Variants in SIN3B observed in about 807,000 individuals in gnomAD.
SIN3B encodes the protein SIN3 transcription regulator family member B, also known as paired amphipathic helix protein Sin3b.
In SIN3B, 19 loss-of-function variants were observed where a neutral mutation model predicts 120.2. The observed-to-expected ratio is 0.16, with a 90% CI of 0.11 to 0.23. The LOEUF (loss-of-function observed/expected upper bound fraction) is 0.23. SIN3B is among the 10% of genes least tolerant of loss of function. The pLI is 1.00. For synonymous variants in SIN3B, 654 were observed against 653.2 expected (o/e 1.00, Z -0.02); for missense variants, 1,073 against 1,573.0 (o/e 0.68, Z 5.38).
At position 16,869,762 on chromosome 19, in the gene SIN3B, A is replaced by G; in HGVS notation, c.2109A>G (p.Pro703=). The change falls in exon 13 of 19, where the codon CCA becomes CCG. Residue 703 remains proline, a synonymous_variant. Coordinates refer to ENST00000248054, the MANE Select transcript of SIN3B (RefSeq NM_001297595.2). ...CCAGTGAGCGGAAGAAGCCGGCGCCAGGACCCCACAGTAGCCCCCCAGAGG... is the reference window on the plus strand; with the variant it reads ...CCAGTGAGCGGAAGAAGCCGGCGCCGGGACCCCACAGTAGCCCCCCAGAGG... The part of the protein sequence containing the change: ...TDPSERKKPA[P]GPHSSPPEEK... 1 of 1,613,420 alleles carries G rather than the reference A, an allele frequency of 6.2e-7. No homozygotes were observed. Among genetic ancestry groups the G allele is most frequent in the Non-Finnish European group, 8.5e-7 (1 of 1,179,900 alleles).
intron 4 of SIN3B, among the ~76,000 whole-genome samples, chr19:16,845,202 T>C (rs1362810786): frequency 6.6e-6 from 1 of 152,236 alleles, no homozygotes; most frequent in African/African-American, 2.4e-5. Flanking sequence ...GGGCGTACTA[T>C]GCATTCATAG....
chr19:16,857,553 G>GTGTGTGTGTGTGTGTA (rs66778532), intron 8 of SIN3B, among the ~76,000 whole-genome samples: 12,526 of 139,188 alleles, frequency 0.09, 758 homozygotes, highest in East Asian at 0.13. Flanking sequence ...GTGTGTGTGT[G>GTGTGTGTGTGTGTGTA]TATATATACA....
intron 3 of SIN3B, among the ~76,000 whole-genome samples, chr19:16,833,060 G>C (rs1429973645): frequency 6.6e-6 from 1 of 152,148 alleles, no homozygotes; most frequent in Non-Finnish European, 1.5e-5. Context: ...TCCAGACATT[G>C]CCAGGTGTCT....
At chr19:16,847,411 C>T (rs1405157474) in intron 5 of SIN3B, among the ~76,000 whole-genome samples, 1 of 152,230 alleles carries the variant, frequency 6.6e-6, no homozygotes, top group Non-Finnish European at 1.5e-5. Context: ...GTTCCACCTC[C>T]TGTGTCTGCC....
chr19:16,859,829 A>G (rs1245090016), intron 8 of SIN3B, among the ~76,000 whole-genome samples: 1 of 152,128 alleles, frequency 6.6e-6, no homozygotes, highest in African/African-American at 2.4e-5. Context: ...AGGGGCCCCC[A>G]GGGGCTGTGT....
chr19:16,843,186 C>T (rs1330761212), intron 4 of SIN3B, among the ~76,000 whole-genome samples: 1 of 152,128 alleles, frequency 6.6e-6, no homozygotes. Context: ...CAACCTCAGC[C>T]TCCCGGCTTC....
rs538180454 is a variant in SIN3B at position 16,862,794 on chromosome 19, G to T, written c.1266+235G>T. ...GAGTGCCAGGGATAACGTGGAGTTC[G>T]GCTTATTCATCTGTTATTTGACTTA... On this transcript the variant is annotated intron_variant, in intron 9 of 18. Transcript: ENST00000248054. The surrounding 1 kb of genome is among the most constrained non-coding windows in gnomAD (Gnocchi z 4.7). 2.7e-6 allele frequency: 3 copies of T among 1,122,182 alleles called. No individual in the cohort carries two copies. Among genetic ancestry groups the T allele is most frequent in the Admixed American group, 3.4e-5 (2 of 57,990 alleles). 69.5% of individuals were successfully genotyped at this position (1,122,182 alleles called of 1,614,324 possible).
chr19:16,863,668 C>G lies in SIN3B; in HGVS notation c.1267-12C>G, dbSNP rs780267365. On this transcript the variant is annotated splice_polypyrimidine_tract_variant and intron_variant, in intron 9 of 18. Transcript: ENST00000248054. ...CATGCAGCGTCATTCACGGCATTTC[C>G]TCTTGGTGCAGGTACTGAACGACAC... 3 of 1,574,222 alleles carry G rather than the reference C, an allele frequency of 1.9e-6. No homozygotes were observed. The Admixed American group carries it at 5.0e-5, about 26-fold the overall frequency.
At chr19:16,857,517 A>ATGTGTGTGTGTGTG (rs72233219) in intron 8 of SIN3B, among the ~76,000 whole-genome samples, 1,102 of 93,430 alleles carry the variant, frequency 0.012, 6 homozygotes, top group Middle Eastern at 0.024. Context: ...TAAAAAAAAT[A>ATGTGTGTGTGTGTG]TGTGTGTGTG....
intron 3 of SIN3B, among the ~76,000 whole-genome samples, chr19:16,834,058 G>T (rs1020932387): frequency 6.6e-6 from 1 of 152,084 alleles, no homozygotes; most frequent in Non-Finnish European, 1.5e-5. Context: ...TTGGAAGCGT[G>T]TGGCCACTGA....
intron 12 of SIN3B, among the ~76,000 whole-genome samples, chr19:16,868,515 G>A (rs1379589311): frequency 6.6e-6 from 1 of 152,214 alleles, no homozygotes; most frequent in East Asian, 1.9e-4. Flanking sequence ...TTGTCTAATG[G>A]TGTGAGGGAA....
Position 16,869,681 on chromosome 19 carries a change from C to G in SIN3B, c.2028C>G (p.Ala676=), listed in dbSNP as rs1003928948. The change falls in exon 13 of 19, where the codon GCC becomes GCG. Residue 676 remains alanine (A), a synonymous_variant. Transcript: ENST00000248054. ...TCTCTCAGCAGCTGGACCTGGGCGC[C>G]TCCGAGGAGTCAGCTGATGAGGACC... The part of the protein sequence containing the change: ...LFFSQQLDLG[A]SEESADEDRD... 1.2e-6 allele frequency: 2 copies of G among 1,613,484 alleles called. No homozygotes were observed. Among genetic ancestry groups the G allele is most frequent in the African/African-American group, 2.7e-5 (2 of 74,944 alleles).
chr19:16,870,222 A>G, intron 13 of SIN3B, 147 bp downstream of exon 13: 1 of 1,038,332 alleles, frequency 9.6e-7, no homozygotes. Context: ...TGCAAACAGG[A>G]AGTTGCCAGC....
intron 8 of SIN3B, among the ~76,000 whole-genome samples, chr19:16,859,502 G>A (rs940676852): frequency 9.2e-5 from 14 of 152,302 alleles, no homozygotes; most frequent in Middle Eastern, 3.4e-3. Context: ...CTGAGTCTGC[G>A]ACCCTCATGG....
At chr19:16,863,899 G>A in intron 10 of SIN3B, 103 bp downstream of exon 10, 1 of 807,098 alleles carries the variant, frequency 1.2e-6, no homozygotes, top group South Asian at 1.6e-5. Flanking sequence ...TCGTTTGGAG[G>A]AGCAGGAATT....
At chr19:16,851,663 C>A in intron 6 of SIN3B, 129 bp downstream of exon 6, 2 of 1,207,160 alleles carry the variant, frequency 1.7e-6, no homozygotes, top group East Asian at 2.9e-5. Flanking sequence ...GTGTGAGGTT[C>A]ACCGGCAGTG....
At chr19:16,875,497 G>GGTTTGGTCTGGTCTGGTCT (rs1411310924) in intron 14 of SIN3B, among the ~76,000 whole-genome samples, 3 of 144,272 alleles carry the variant, frequency 2.1e-5, no homozygotes, top group Non-Finnish European at 3.0e-5. Context: ...GGTCTGGTCT[G>GGTTTGGTCTGGTCTGGTCT]GTTTGGTCTG....
At chr19:16,840,721 A>G (rs374409216) in intron 3 of SIN3B, among the ~76,000 whole-genome samples, 24 of 152,200 alleles carry the variant, frequency 1.6e-4, no homozygotes, top group African/African-American at 3.9e-4. Context: ...TCACCTGATC[A>G]TCCCCAACAG....
chr19:16,832,355 G>A (rs1289319682), intron 3 of SIN3B, among the ~76,000 whole-genome samples: 1 of 151,784 alleles, frequency 6.6e-6, no homozygotes, highest in African/African-American at 2.4e-5. Flanking sequence ...GCACCACCAT[G>A]CTTAGCTAAT....
Sources: gnomAD v4.1 joint callset for allele counts (sites outside exome capture counted in the v4.1 genomes callset) on GRCh38, gnomAD v4.1.1 for gene constraint, Gnocchi (gnomAD v3.1) non-coding constraint, MANE v1.5 for transcripts, NCBI Gene and HGNC (gene_info 2026-07-23, HGNC 2026-07-21) for gene names.